FBXO34: variants seen among roughly 807,000 people sequenced by gnomAD.
FBXO34 encodes F-box protein 34.
A neutral mutation model predicts 24.5 loss-of-function variants in FBXO34; 12 were observed. The observed-to-expected ratio is 0.49, with a 90% CI of 0.31 to 0.79. FBXO34 has a LOEUF of 0.79. FBXO34 is among the 30% of genes least tolerant of loss of function. FBXO34 has a pLI of 0.04. For missense variants in FBXO34, 823 were observed against 857.7 expected (o/e 0.96, Z 0.51); for synonymous variants, 320 against 311.9 (o/e 1.03, Z -0.27).
At chr14:55,286,362 C>G (rs1881760693) in intron 1 of FBXO34, among the ~76,000 whole-genome samples, 1 of 152,156 alleles carries the variant, frequency 6.6e-6, no homozygotes, top group Non-Finnish European at 1.5e-5. Flanking sequence ...TAACTTTTGG[C>G]TTTCTCAAGA....
At chr14:55,372,595 T>TTCCCTTCCTCCTTCCCTCCC (rs1884844045), downstream of FBXO34, among the ~76,000 whole-genome samples, 1 of 151,156 alleles carries the variant, frequency 6.6e-6, no homozygotes, top group African/African-American at 2.4e-5. Context: ...TCCTCACTCC[T>TTCCCTTCCTCCTTCCCTCCC]TCCCTTCCTC....
At chr14:55,302,298 A>G (rs1316653832) in intron 1 of FBXO34, among the ~76,000 whole-genome samples, 1 of 152,188 alleles carries the variant, frequency 6.6e-6, no homozygotes, top group Non-Finnish European at 1.5e-5. Flanking sequence ...ATAGAGATAG[A>G]TAGGTAGATA....
chr14:55,326,957 C>CT (rs2140037237), intron 1 of FBXO34, among the ~76,000 whole-genome samples: 1 of 152,118 alleles, frequency 6.6e-6, no homozygotes, highest in East Asian at 1.9e-4. Context: ...GTGAACAAAA[C>CT]TAAGTCTGTT....
intron 1 of FBXO34, among the ~76,000 whole-genome samples, chr14:55,284,968 A>G (rs1407322039): frequency 2.0e-5 from 3 of 149,056 alleles, no homozygotes; most frequent in Non-Finnish European, 3.0e-5. Context: ...AATCTTTACC[A>G]TGTTTATCTT....
the FBXO34 span, among the ~76,000 whole-genome samples, chr14:55,377,313 C>G: frequency 1.3e-5 from 2 of 152,046 alleles, no homozygotes; most frequent in African/African-American, 4.8e-5. Flanking sequence ...CACCACTGCA[C>G]TCTAGCCTGG....
chr14:55,379,014 C>T, the FBXO34 span, among the ~76,000 whole-genome samples: 1 of 152,016 alleles, frequency 6.6e-6, no homozygotes, highest in Admixed American at 6.6e-5. Flanking sequence ...ACCTGGCCCT[C>T]TCATCCTGTT....
intron 1 of FBXO34, among the ~76,000 whole-genome samples, chr14:55,279,118 A>G (rs1018429266): frequency 6.6e-6 from 1 of 152,002 alleles, no homozygotes; most frequent in African/African-American, 2.4e-5. Context: ...GTGAAACCCC[A>G]TCTACTAAAA....
intron 3 of FBXO34, among the ~76,000 whole-genome samples, chr14:55,361,406 G>T (rs555063736): frequency 9.2e-5 from 14 of 152,312 alleles, no homozygotes; most frequent in South Asian, 8.3e-4. Context: ...AGGCTTTGTT[G>T]TTCCATTTAC....
chr14:55,315,694 A>G (rs748980329), intron 1 of FBXO34, among the ~76,000 whole-genome samples: 36 of 152,248 alleles, frequency 2.4e-4, no homozygotes, highest in African/African-American at 7.2e-4. Flanking sequence ...AGTTTCTTCT[A>G]TGCTTCCTGC....
chr14:55,436,609 G>C, the FBXO34 span: 2 of 1,614,224 alleles, frequency 1.2e-6, no homozygotes, highest in Non-Finnish European at 1.7e-6. Context: ...GGTCATTGGT[G>C]TCATGGGAGT....
the FBXO34 span, among the ~76,000 whole-genome samples, chr14:55,393,251 G>C: frequency 6.6e-6 from 1 of 152,090 alleles, no homozygotes; most frequent in East Asian, 1.9e-4. Flanking sequence ...CGGGCGTGGT[G>C]GTGGGCGCCT....
chr14:55,428,709 T>A, the FBXO34 span: 32 of 1,306,258 alleles, frequency 2.4e-5, no homozygotes, highest in South Asian at 7.4e-5. Context: ...TTTTTTTTTT[T>A]AATCACAATT....
At chr14:55,406,534 G>A in the FBXO34 span, among the ~76,000 whole-genome samples, 2 of 152,174 alleles carry the variant, frequency 1.3e-5, no homozygotes, top group Non-Finnish European at 2.9e-5. Context: ...TTGACAGTCG[G>A]TAAAAATCCT....
the FBXO34 span, among the ~76,000 whole-genome samples, chr14:55,420,883 C>T: frequency 1.1e-4 from 16 of 151,742 alleles, no homozygotes; most frequent in Admixed American, 1.0e-3. Context: ...CACGGTGAAA[C>T]CCCGTCTCTA....
the FBXO34 span, among the ~76,000 whole-genome samples, chr14:55,403,839 G>A: frequency 6.6e-6 from 1 of 152,076 alleles, no homozygotes. Flanking sequence ...TACAATGTTT[G>A]AGCTAAACAT....
In FBXO34 at chr14:55,351,257, G is replaced by A. The variant is rs1436095203; in HGVS notation, c.867G>A (p.Glu289=). ...VLDMVAKLES[E]CLKRQGQREP... is the part of the protein sequence containing the mutation. ...ACATGGTAGCCAAGTTGGAGTCTGA[G>A]TGCCTGAAGCGGCAGGGCCAGCGTG... The change falls in exon 2 of 2, where the codon GAG becomes GAA. Residue 289 remains glutamate (E), a synonymous_variant. Coordinates refer to ENST00000313833, the MANE Select transcript of FBXO34 (RefSeq NM_017943.4). 2.5e-6 allele frequency: 4 copies of A among 1,614,212 alleles called. No individual in the cohort carries two copies. The highest frequency in any genetic ancestry group is 1.6e-4 in the Middle Eastern group (1 of 6,062).
In FBXO34 at chr14:55,299,238, A is replaced by T. The variant is rs1882255503; in HGVS notation, c.-11+27701A>T. The T allele has an allele frequency of 5.9e-6, 5 of 844,028 alleles. No homozygotes were observed. In the Admixed American group the frequency reaches 6.8e-5, roughly 12 times the overall value. The allele number at this position is 844,028 out of a possible 1,614,324, so 52.3% of individuals were successfully genotyped here. A position where few individuals can be genotyped will look rare whatever the true frequency, so the allele number is the denominator to read the frequency against. ...ACCTGCCAAGAAGAGGAAGACGACG[A>T]CATGAAGGATTTGGAGAACTGGGCT... On this transcript the variant is annotated intron_variant, in intron 1 of 1. Coordinates refer to ENST00000313833, the MANE Select transcript of FBXO34 (RefSeq NM_017943.4).
chr14:55,333,102 C>T (rs780505011), intron 1 of FBXO34, among the ~76,000 whole-genome samples: 6 of 152,184 alleles, frequency 3.9e-5, no homozygotes, highest in Non-Finnish European at 8.8e-5. Context: ...GTGACCTTGC[C>T]TCCTGCTTTG....
intron 1 of FBXO34, among the ~76,000 whole-genome samples, chr14:55,308,662 A>G (rs2139736110): frequency 6.6e-6 from 1 of 152,360 alleles, no homozygotes; most frequent in South Asian, 2.1e-4. Context: ...ACTGTAAACA[A>G]TACCCAGTGA....
Sources: allele counts gnomAD v4.1 joint callset (sites outside exome capture counted in the v4.1 genomes callset), GRCh38; gene constraint gnomAD v4.1.1; transcripts MANE v1.5; gene names NCBI Gene and HGNC (gene_info 2026-07-23, HGNC 2026-07-21).